TMEM245: variants seen among roughly 807,000 people sequenced by gnomAD.
TMEM245 encodes the protein transmembrane protein 245, also known as protein CG-2.
Under a neutral mutation model 101.2 loss-of-function variants are expected in TMEM245, and 69 were observed. That is an observed-to-expected ratio of 0.68 (90% CI 0.56 to 0.83). TMEM245 has a LOEUF of 0.83. Ranked by LOEUF, TMEM245 falls within the 40% of genes least tolerant of loss-of-function variation. TMEM245 has a pLI of 0.00. For missense variants in TMEM245, 1,075 were observed against 1,092.8 expected (o/e 0.98, Z 0.23); for synonymous variants, 537 against 449.8 (o/e 1.19, Z -2.45).
chr9:109,076,530 TAA>T (rs149968007), intron 8 of TMEM245, among the ~76,000 whole-genome samples: 20,301 of 151,252 alleles, frequency 0.13, 1,594 homozygotes, highest in African/African-American at 0.19. Flanking sequence ...TAAAGTATAA[TAA>T]AAAAAAAGTT....
intron 12 of TMEM245, among the ~76,000 whole-genome samples, chr9:109,051,612 TA>T (rs1394758343): frequency 1.3e-5 from 2 of 152,116 alleles, no homozygotes; most frequent in African/African-American, 4.8e-5. Flanking sequence ...TCTAAACATC[TA>T]AAAGGTACAG....
Position 109,033,302 on chromosome 9 carries a change from C to T in TMEM245, c.2594+5G>A. 1.9e-6 allele frequency: 3 copies of T among 1,597,146 alleles called. 1 individual carries two copies. The South Asian group carries it at 3.4e-5, about 18-fold the overall frequency. ...ACAGCTTATGATTATTCTGCTTTAA[C>T]TCACCGCTGAGGCTGAGCAGGCCAT... On this transcript the variant is annotated splice_donor_5th_base_variant and intron_variant, in intron 17 of 17. Coordinates refer to ENST00000374586, the MANE Select transcript of TMEM245 (RefSeq NM_032012.4).
intron 9 of TMEM245, among the ~76,000 whole-genome samples, chr9:109,067,651 A>G (rs1829208941): frequency 6.6e-6 from 1 of 152,206 alleles, no homozygotes; most frequent in Non-Finnish European, 1.5e-5. Context: ...GAGACAAGTC[A>G]GGAGAAAGCA....
At chr9:109,038,277 C>T (rs1223130446) in intron 14 of TMEM245, 160 bp from the exon 15 acceptor site, 2 of 480,340 alleles carry the variant, frequency 4.2e-6, no homozygotes, top group Non-Finnish European at 7.3e-6. Context: ...ACATAAACAC[C>T]TTACTTTAAA....
In TMEM245 at chr9:109,017,883, C is replaced by T. The variant is rs1181251169; in HGVS notation, c.*2577G>A. Reference sequence around the variant, plus strand: ...CATGCTGGAATGCTTCTTTCTGGCTCGGAGGGTTCCAAGACCTCCCCAGCT... The same window carrying T: ...CATGCTGGAATGCTTCTTTCTGGCTTGGAGGGTTCCAAGACCTCCCCAGCT... On this transcript the variant is annotated 3_prime_UTR_variant, in exon 18 of 18. Coordinates refer to ENST00000374586, the MANE Select transcript of TMEM245 (RefSeq NM_032012.4). 4 of 152,180 alleles carry T rather than the reference C, an allele frequency of 2.6e-5. No homozygotes were observed. Among genetic ancestry groups the T allele is most frequent in the Admixed American group, 1.3e-4 (2 of 15,280 alleles). The allele number at this position is 152,180 out of a possible 1,614,324, so 9.4% of individuals were successfully genotyped here. A position where few individuals can be genotyped will look rare whatever the true frequency, so the allele number is the denominator to read the frequency against.
chr9:109,032,946 G>C (rs955215250), intron 17 of TMEM245, among the ~76,000 whole-genome samples: 1 of 150,860 alleles, frequency 6.6e-6, no homozygotes, highest in Non-Finnish European at 1.5e-5. Flanking sequence ...TCACAGGCGG[G>C]TGCCACCACA....
At chr9:109,036,071 C>T (rs1355141582) in intron 16 of TMEM245, 135 bp downstream of exon 16, 1 of 456,850 alleles carries the variant, frequency 2.2e-6, no homozygotes, top group African/African-American at 2.2e-5. Context: ...TGTGGGAACA[C>T]AAAAGGCTAT....
intron 3 of TMEM245, among the ~76,000 whole-genome samples, chr9:109,097,418 A>C (rs1420619716): frequency 2.0e-5 from 3 of 152,204 alleles, no homozygotes; most frequent in Non-Finnish European, 2.9e-5. Context: ...AGAAGGTCTC[A>C]CATTTGCTAT....
chr9:109,029,791 A>T (rs1296286572), intron 17 of TMEM245, among the ~76,000 whole-genome samples: 2 of 152,246 alleles, frequency 1.3e-5, no homozygotes, highest in Non-Finnish European at 2.9e-5. Context: ...GGCACTTAGG[A>T]CAGTCTTCTT....
chr9:109,096,055 A>G (rs1432772901), intron 3 of TMEM245, among the ~76,000 whole-genome samples: 2 of 152,220 alleles, frequency 1.3e-5, no homozygotes, highest in Admixed American at 1.3e-4. Context: ...CTTGATGAGG[A>G]AGCAATGAAG....
At chr9:109,071,017 G>A (rs964048855) in intron 9 of TMEM245, among the ~76,000 whole-genome samples, 1 of 152,052 alleles carries the variant, frequency 6.6e-6, no homozygotes, top group East Asian at 1.9e-4. Flanking sequence ...AAGTACCTGG[G>A]ATTACAGGTG....
intron 3 of TMEM245, among the ~76,000 whole-genome samples, chr9:109,106,096 T>G (rs1333110588): frequency 4.6e-5 from 7 of 152,262 alleles, no homozygotes. Flanking sequence ...ACGTGATTAC[T>G]GCACCTGTAG....
In TMEM245 at chr9:109,016,761, G is replaced by A. The variant is rs1827457924; in HGVS notation, c.*3699C>T. On this transcript the variant is annotated 3_prime_UTR_variant, in exon 18 of 18. Coordinates refer to ENST00000374586, the MANE Select transcript of TMEM245 (RefSeq NM_032012.4). The stretch of plus-strand genomic sequence containing the variant: ...TTGAAAGACAAGAAACTAATAAAAA[G>A]TACTTGTTTTTAGCTGGAACTAGCA... The A allele has an allele frequency of 1.4e-5, 2 of 145,054 alleles. No homozygotes were observed. The allele number at this position is 145,054 out of a possible 1,614,324, so 9.0% of individuals were successfully genotyped here.
intron 1 of TMEM245, among the ~76,000 whole-genome samples, chr9:109,109,326 A>G (rs1830508876): frequency 6.6e-6 from 1 of 152,156 alleles, no homozygotes; most frequent in Non-Finnish European, 1.5e-5. Context: ...ATTTTAATAG[A>G]ACATTTATAA....
chr9:109,044,908 T>C lies in TMEM245; in HGVS notation c.2123+5375A>G, dbSNP rs534389432. On this transcript the variant is annotated intron_variant, in intron 14 of 17. Transcript: ENST00000374586. ...CCGAGTAGCTAGGACTACAGGTGCATGCCACCAAGCCCAGCTAATTTTTGT... is the reference window on the plus strand; with the variant it reads ...CCGAGTAGCTAGGACTACAGGTGCACGCCACCAAGCCCAGCTAATTTTTGT... Among the ~76,000 whole-genome samples the C allele has an allele frequency of 2.0e-5, 3 of 152,074 alleles. No homozygotes were observed. In the South Asian group the frequency reaches 6.2e-4, roughly 32 times the overall value.
chr9:109,107,791 A>G (rs955257465), intron 2 of TMEM245, among the ~76,000 whole-genome samples: 6 of 152,324 alleles, frequency 3.9e-5, no homozygotes, highest in South Asian at 4.1e-4. Flanking sequence ...AGTCTCAACC[A>G]TAAGTACCAC....
chr9:109,021,031 G>A (rs1167905630), intron 17 of TMEM245, among the ~76,000 whole-genome samples: 1 of 152,200 alleles, frequency 6.6e-6, no homozygotes, highest in Non-Finnish European at 1.5e-5. Flanking sequence ...AAGTGACCTT[G>A]TACTTGAACT....
At chr9:109,119,219 C>G (rs1830820905) in intron 1 of TMEM245, 116 bp downstream of exon 1, 5 of 993,470 alleles carry the variant, frequency 5.0e-6, no homozygotes, top group Non-Finnish European at 7.0e-6. Context: ...CGGACGGTCA[C>G]TGCAGCACAG....
intron 12 of TMEM245, among the ~76,000 whole-genome samples, chr9:109,055,473 C>T (rs1214763720): frequency 6.6e-6 from 1 of 151,964 alleles, no homozygotes; most frequent in Non-Finnish European, 1.5e-5. Flanking sequence ...GAAAGCAAAA[C>T]AAACTTTAAA....
Sources: gnomAD v4.1 joint callset for allele counts (sites outside exome capture counted in the v4.1 genomes callset) on GRCh38, gnomAD v4.1.1 for gene constraint, MANE v1.5 for transcripts, NCBI Gene and HGNC (gene_info 2026-07-23, HGNC 2026-07-21) for gene names.